Variants in RBM47 observed in about 807,000 individuals in gnomAD.
RBM47 encodes the protein RNA binding motif protein 47, also known as RNA-binding protein 47.
In RBM47, 21 loss-of-function variants were observed where a neutral mutation model predicts 47.1. The observed-to-expected ratio is 0.45, with a 90% confidence interval of 0.32 to 0.64. The LOEUF (loss-of-function observed/expected upper bound fraction) is 0.64. RBM47 is among the 30% of genes least tolerant of loss of function. The pLI is 0.05. For missense variants in RBM47, 708 were observed against 870.9 expected (o/e 0.81, Z 2.35); for synonymous variants, 375 against 361.7 (o/e 1.04, Z -0.42).
intron 1 of RBM47, among the ~76,000 whole-genome samples, chr4:40,557,494 A>G (rs1437807939): frequency 6.6e-6 from 1 of 152,166 alleles, no homozygotes; most frequent in Non-Finnish European, 1.5e-5. Flanking sequence ...CATGCCTGTA[A>G]TCCCAGCGCT....
intron 2 of RBM47, among the ~76,000 whole-genome samples, chr4:40,541,404 C>T (rs963014856): frequency 6.6e-6 from 1 of 152,102 alleles, no homozygotes; most frequent in African/African-American, 2.4e-5. Context: ...AGTTCAGTAA[C>T]TGGCCAAAGG....
chr4:40,539,578 A>G (rs1422602813), intron 2 of RBM47, among the ~76,000 whole-genome samples: 1 of 151,766 alleles, frequency 6.6e-6, no homozygotes, highest in Non-Finnish European at 1.5e-5. Flanking sequence ...CGTCTCTACT[A>G]AAAATACAAA....
At chr4:40,573,692 TAA>T (rs1222944568) in intron 1 of RBM47, among the ~76,000 whole-genome samples, 1 of 147,498 alleles carries the variant, frequency 6.8e-6, no homozygotes, top group East Asian at 2.0e-4. Flanking sequence ...ATCATGCCAC[TAA>T]ACTCCAGCCT....
intron 1 of RBM47, among the ~76,000 whole-genome samples, chr4:40,563,473 T>C (rs1257961577): frequency 6.6e-6 from 1 of 152,222 alleles, no homozygotes; most frequent in African/African-American, 2.4e-5. Context: ...ATTCTTAGAA[T>C]TGTGCCCTCT....
chr4:40,566,995 G>C (rs571195675), intron 1 of RBM47, among the ~76,000 whole-genome samples: 19 of 151,696 alleles, frequency 1.3e-4, no homozygotes, highest in African/African-American at 4.1e-4. Flanking sequence ...CTCTATCCTT[G>C]TTCCTGTGCC....
At chr4:40,555,962 T>C (rs1730037483) in intron 1 of RBM47, among the ~76,000 whole-genome samples, 1 of 151,976 alleles carries the variant, frequency 6.6e-6, no homozygotes, top group African/African-American at 2.4e-5. Flanking sequence ...TCAAAACTTT[T>C]GCCTCCTTGA....
intron 1 of RBM47, among the ~76,000 whole-genome samples, chr4:40,569,128 T>C (rs1731430267): frequency 6.6e-6 from 1 of 151,860 alleles, no homozygotes; most frequent in Non-Finnish European, 1.5e-5. Context: ...CAGTTTCAAA[T>C]ACATGATCCA....
At chr4:40,524,828 C>A (rs901803906) in intron 2 of RBM47, among the ~76,000 whole-genome samples, 27 of 152,178 alleles carry the variant, frequency 1.8e-4, no homozygotes, top group African/African-American at 6.0e-4. Context: ...GAGCCCGGTA[C>A]TGCGCTAGAA....
chr4:40,531,670 G>C (rs1453205310), intron 2 of RBM47, among the ~76,000 whole-genome samples: 1 of 152,154 alleles, frequency 6.6e-6, no homozygotes, highest in Non-Finnish European at 1.5e-5. Flanking sequence ...AATAAAACTT[G>C]TTTATTATGT....
intron 1 of RBM47, among the ~76,000 whole-genome samples, chr4:40,605,034 G>A (rs986192859): frequency 7.3e-5 from 11 of 150,786 alleles, no homozygotes; most frequent in African/African-American, 2.2e-4. Flanking sequence ...TGTTGTTGTC[G>A]TGGTTGTTAA....
chr4:40,439,629 C>G lies in RBM47; in HGVS notation c.-31-705G>C, dbSNP rs1416411044. Among the ~76,000 whole-genome samples the G allele has an allele frequency of 3.3e-5, 5 of 152,294 alleles. No homozygotes were observed. The East Asian group carries it at 9.6e-4, about 29-fold the overall frequency. On this transcript the variant is annotated intron_variant, in intron 3 of 6. Transcript: ENST00000295971. ...GCTAGACTGACTTCAAGCTGGGGGACTGGGAAGCAGCATCTACCTGGTAAA... is the reference window on the plus strand; with the variant it reads ...GCTAGACTGACTTCAAGCTGGGGGAGTGGGAAGCAGCATCTACCTGGTAAA...
At chr4:40,566,968 T>C (rs1281354175) in intron 1 of RBM47, among the ~76,000 whole-genome samples, 4 of 143,954 alleles carry the variant, frequency 2.8e-5, no homozygotes, top group African/African-American at 1.2e-4. Flanking sequence ...CTTCATCATT[T>C]ATCCTCTCTT....
intron 2 of RBM47, among the ~76,000 whole-genome samples, chr4:40,470,616 T>C (rs941447549): frequency 6.6e-6 from 1 of 152,204 alleles, no homozygotes; most frequent in East Asian, 1.9e-4. Flanking sequence ...AAAAAGATGC[T>C]CCAGTCTAAT....
intron 1 of RBM47, among the ~76,000 whole-genome samples, chr4:40,553,958 T>C (rs1427177045): frequency 6.6e-6 from 1 of 152,160 alleles, no homozygotes; most frequent in East Asian, 1.9e-4. Flanking sequence ...CCAGCCCTTT[T>C]GTCCTGAAAC....
chr4:40,521,759 T>C (rs1726214611), intron 2 of RBM47, among the ~76,000 whole-genome samples: 1 of 152,166 alleles, frequency 6.6e-6, no homozygotes, highest in Non-Finnish European at 1.5e-5. Context: ...AGTATTGATT[T>C]CCAATGATCA....
chr4:40,472,584 T>C (rs1226307584), intron 2 of RBM47, among the ~76,000 whole-genome samples: 1 of 145,856 alleles, frequency 6.9e-6, no homozygotes, highest in African/African-American at 2.6e-5. Context: ...AAAAAAATCA[T>C]GTTTTTCTTC....
chr4:40,583,681 A>C (rs1733223413), intron 1 of RBM47, among the ~76,000 whole-genome samples: 1 of 151,308 alleles, frequency 6.6e-6, no homozygotes, highest in Admixed American at 6.6e-5. Flanking sequence ...ACACGGTGAA[A>C]CCCCGTCTCT....
At chr4:40,594,263 G>C (rs572237874) in intron 1 of RBM47, among the ~76,000 whole-genome samples, 51 of 152,216 alleles carry the variant, frequency 3.4e-4, no homozygotes, top group South Asian at 3.3e-3. Flanking sequence ...CACACCTGAG[G>C]CCATTGCACA....
intron 2 of RBM47, among the ~76,000 whole-genome samples, chr4:40,528,407 A>AG (rs973258303): frequency 2.7e-5 from 4 of 148,340 alleles, no homozygotes; most frequent in African/African-American, 1.0e-4. Flanking sequence ...GGCTTTTTTA[A>AG]AAAAAAAACA....
Sources: gnomAD v4.1 joint callset for allele counts (sites outside exome capture counted in the v4.1 genomes callset) on GRCh38, gnomAD v4.1.1 for gene constraint, MANE v1.5 for transcripts, NCBI Gene and HGNC (gene_info 2026-07-23, HGNC 2026-07-21) for gene names.